ALDH1A1: variants seen among roughly 807,000 people sequenced by gnomAD.
The protein encoded by ALDH1A1 is aldehyde dehydrogenase 1 family member A1.
Under a neutral mutation model 62.1 loss-of-function variants are expected in ALDH1A1, and 19 were observed. The ratio of observed to expected loss-of-function variants is 0.31; its 90% CI spans 0.21 to 0.45. ALDH1A1 has a LOEUF of 0.45. Among genes scored for constraint, ALDH1A1 ranks in the 20% least tolerant of loss-of-function variants. The pLI is 1.00. For synonymous variants in ALDH1A1, 231 were observed against 215.9 expected (o/e 1.07, Z -0.61); for missense variants, 521 against 607.1 (o/e 0.86, Z 1.49).
chr9:72,930,117 A>G (rs1475439503), intron 3 of ALDH1A1, among the ~76,000 whole-genome samples: 1 of 152,168 alleles, frequency 6.6e-6, no homozygotes. Context: ...TAAAGATGAA[A>G]TTTGCTTGAA....
chr9:72,913,513 C>G (rs1830017825), intron 9 of ALDH1A1, among the ~76,000 whole-genome samples: 1 of 152,148 alleles, frequency 6.6e-6, no homozygotes, highest in Admixed American at 6.6e-5. Context: ...ATAAAGCTTT[C>G]TGTCTTATTG....
intron 9 of ALDH1A1, among the ~76,000 whole-genome samples, chr9:72,912,342 A>G (rs1479423314): frequency 6.6e-6 from 1 of 152,134 alleles, no homozygotes; most frequent in Non-Finnish European, 1.5e-5. Context: ...TGTATTTAAC[A>G]TTTGTTTTAT....
chr9:72,920,492 T>A (rs1268699986), intron 7 of ALDH1A1, among the ~76,000 whole-genome samples: 2 of 152,224 alleles, frequency 1.3e-5, no homozygotes, highest in African/African-American at 4.8e-5. Flanking sequence ...TTTTTATTTG[T>A]TTAATTTAGG....
intron 2 of ALDH1A1, among the ~76,000 whole-genome samples, chr9:72,938,037 C>A (rs1330286): frequency 1.3e-5 from 2 of 151,972 alleles, no homozygotes; most frequent in Non-Finnish European, 2.9e-5. Context: ...CCCCTCAGGT[C>A]TGTCACTATC....
intron 12 of ALDH1A1, among the ~76,000 whole-genome samples, chr9:72,901,579 C>T (rs8187996): frequency 0.043 from 6,506 of 151,982 alleles, 153 homozygotes; most frequent in Admixed American, 0.049. Flanking sequence ...TTTAAAAACT[C>T]GAACTGCAGA....
At chr9:72,908,607 GAAAGAAA>G in intron 11 of ALDH1A1, among the ~76,000 whole-genome samples, 1 of 138,166 alleles carries the variant, frequency 7.2e-6, no homozygotes, top group East Asian at 2.3e-4. Context: ...AAGAAAGAAA[GAAAGAAA>G]GAAAGAAAGA....
intron 11 of ALDH1A1, among the ~76,000 whole-genome samples, chr9:72,908,270 A>C (rs984465325): frequency 1.3e-5 from 2 of 151,368 alleles, no homozygotes; most frequent in African/African-American, 2.4e-5. Flanking sequence ...AAAAAGAAAA[A>C]AACAAAATAC....
At chr9:72,920,966 G>A (rs1830133263) in intron 7 of ALDH1A1, among the ~76,000 whole-genome samples, 1 of 152,208 alleles carries the variant, frequency 6.6e-6, no homozygotes, top group Admixed American at 6.5e-5. Flanking sequence ...TGAATCTAAT[G>A]GGATATTGCG....
intron 7 of ALDH1A1, among the ~76,000 whole-genome samples, chr9:72,921,120 G>A (rs1303839881): frequency 2.6e-5 from 4 of 151,828 alleles, no homozygotes; most frequent in East Asian, 1.9e-4. Flanking sequence ...GGTGGTGGGC[G>A]CCTGTAGTCC....
intron 1 of ALDH1A1, among the ~76,000 whole-genome samples, chr9:72,947,782 A>T (rs1335722748): frequency 6.6e-6 from 1 of 151,914 alleles, no homozygotes; most frequent in African/African-American, 2.4e-5. Context: ...GTCAGTCATG[A>T]TCTCTGAGCT....
In ALDH1A1 at chr9:72,906,750, T is replaced by C. The variant is rs532527152; in HGVS notation, c.1359-718A>G. ...TTTAAATTTGCTGGTGGCCAAAAGT[T>C]AGCAAAATCTAATTATTTACCTGAT... On this transcript the variant is annotated intron_variant, in intron 11 of 12. Coordinates refer to ENST00000297785, the MANE Select transcript of ALDH1A1 (RefSeq NM_000689.5). Among the ~76,000 whole-genome samples, 497 of 152,300 alleles carry C rather than the reference T, an allele frequency of 3.3e-3. 2 individuals are homozygous for C. The highest frequency in any genetic ancestry group is 0.011 in the African/African-American group (473 of 41,562).
At chr9:72,934,536 C>G (rs1057260767) in intron 2 of ALDH1A1, among the ~76,000 whole-genome samples, 1 of 152,134 alleles carries the variant, frequency 6.6e-6, no homozygotes, top group African/African-American at 2.4e-5. Flanking sequence ...TACATTTTTT[C>G]TACTCTATCT....
chr9:72,935,235 A>G (rs1165555841), intron 2 of ALDH1A1, among the ~76,000 whole-genome samples: 1 of 152,196 alleles, frequency 6.6e-6, no homozygotes, highest in Non-Finnish European at 1.5e-5. Flanking sequence ...TTATTTCAGA[A>G]CTGGAATTTT....
At chr9:72,919,289 A>AT (rs934761833) in intron 7 of ALDH1A1, among the ~76,000 whole-genome samples, 1 of 152,062 alleles carries the variant, frequency 6.6e-6, no homozygotes, top group African/African-American at 2.4e-5. Context: ...TAGCTATTTC[A>AT]TTTTTTATCC....
At chr9:72,911,285 G>T (rs1829983556) in intron 10 of ALDH1A1, among the ~76,000 whole-genome samples, 1 of 152,074 alleles carries the variant, frequency 6.6e-6, no homozygotes, top group Admixed American at 6.6e-5. Context: ...CAAATACATG[G>T]ATGGCTGTTA....
chr9:72,929,066 A>C, intron 3 of ALDH1A1, 45 bp from the exon 4 acceptor site: 1 of 1,586,160 alleles, frequency 6.3e-7, no homozygotes, highest in Non-Finnish European at 8.6e-7. Flanking sequence ...CATAAGTTTT[A>C]GATTAAAAAT....
Position 72,940,244 on chromosome 9 carries a change from T to C in ALDH1A1, c.75A>G (p.Ile25Met), listed in dbSNP as rs1436743566. The change falls in exon 2 of 13, where the codon ATA becomes ATG. Residue 25 changes from isoleucine (I) to methionine (M), a missense_variant. Transcript: ENST00000297785. Reference protein sequence around the residue: ...DLKIQYTKIFINNEWHDSVSG... With the variant: ...DLKIQYTKIFMNNEWHDSVSG... ...TCACTGAATCATGCCATTCATTGTT[T>C]ATGAAGATCTGTAGAGATGAAGAGA... 1 of 1,612,652 alleles carries C rather than the reference T, an allele frequency of 6.2e-7. No homozygotes were observed. The highest frequency in any genetic ancestry group is 8.5e-7 in the Non-Finnish European group (1 of 1,178,896).
chr9:72,905,655 T>C (rs111988572), intron 12 of ALDH1A1, among the ~76,000 whole-genome samples: 1 of 152,272 alleles, frequency 6.6e-6, no homozygotes, highest in African/African-American at 2.4e-5. Context: ...GTTTCCCAAA[T>C]GGATTACATT....
At chr9:72,933,592 C>CAAAAAAAAAAAAAAAAAAAAAAAA (rs60011646) in intron 2 of ALDH1A1, among the ~76,000 whole-genome samples, 1 of 111,732 alleles carries the variant, frequency 8.9e-6, no homozygotes, top group Non-Finnish European at 1.8e-5. Flanking sequence ...CATCTCAAAA[C>CAAAAAAAAAAAAAAAAAAAAAAAA]AAAAAAAAAA....
Sources: gnomAD v4.1 joint callset for allele counts (sites outside exome capture counted in the v4.1 genomes callset) on GRCh38, gnomAD v4.1.1 for gene constraint, MANE v1.5 for transcripts, NCBI Gene and HGNC (gene_info 2026-07-23, HGNC 2026-07-21) for gene names.